Variants in ZNF570 observed in about 807,000 individuals in gnomAD.
The protein encoded by ZNF570 is zinc finger protein 570.
In ZNF570, 8 loss-of-function variants were observed where a neutral mutation model predicts 14.2. The observed-to-expected ratio is 0.56, with a 90% CI of 0.33 to 1.02. The LOEUF is 1.02. ZNF570 is among the 50% of genes least tolerant of loss of function. The pLI is 0.03. For missense variants in ZNF570, 559 were observed against 624.9 expected, an observed-to-expected ratio of 0.89 and a Z score of 1.12; for synonymous variants, 202 against 207.6, an observed-to-expected ratio of 0.97 and a Z score of 0.23.
Position 37,471,024 on chromosome 19 carries a change from T to G in ZNF570, c.33+637T>G, listed in dbSNP as rs1490927578. Among the ~76,000 whole-genome samples, 119 of 137,664 alleles carry G rather than the reference T, an allele frequency of 8.6e-4. 2 individuals are homozygous for G. Among genetic ancestry groups the G allele is most frequent in the African/African-American group, 3.0e-3 (104 of 35,140 alleles). 90.3% of individuals were successfully genotyped at this position (137,664 alleles called of 152,430 possible). On this transcript the variant is annotated intron_variant, in intron 2 of 4. Coordinates refer to ENST00000330173, the MANE Select transcript of ZNF570 (RefSeq NM_144694.5). ...CAGTGAGTACATTTTTTTTTTTTTTTTTTTTGTTGAGACGGAGTCTTGCTC... is the reference window on the plus strand; with the variant it reads ...CAGTGAGTACATTTTTTTTTTTTTTGTTTTTGTTGAGACGGAGTCTTGCTC...
Position 37,484,505 on chromosome 19 carries a change from G to C in ZNF570, c.883G>C (p.Val295Leu). 1 of 1,613,818 alleles carries C rather than the reference G, an allele frequency of 6.2e-7. No individual in the cohort carries two copies. Among genetic ancestry groups the C allele is most frequent in the Non-Finnish European group, 8.5e-7 (1 of 1,179,946 alleles). Residue 295 changes from valine (V) to leucine (L), a missense_variant, in exon 5 of 5, where the codon GTT becomes CTT. Transcript: ENST00000330173. Reference protein sequence around the residue: ...QNAHLVQHLRVHTGEKPYECK... With the variant: ...QNAHLVQHLRLHTGEKPYECK... ...TGCACACCTAGTTCAACATCTGCGA[G>C]TTCATACTGGAGAAAAACCTTACGA...
upstream of ZNF570, chr19:37,469,042 CAGAGCGCTTGT>C (rs2047055680): frequency 3.0e-6 from 3 of 991,568 alleles, no homozygotes; most frequent in Non-Finnish European, 2.4e-6. Context: ...GGGAGGCGCG[CAGAGCGCTTGT>C]GCCTGCGCAC....
At chr19:37,479,498 T>A (rs1473909576) in intron 4 of ZNF570, among the ~76,000 whole-genome samples, 1 of 152,128 alleles carries the variant, frequency 6.6e-6, no homozygotes, top group South Asian at 2.1e-4. Flanking sequence ...ATTTGCTCAT[T>A]AGGTTAAGCT....
chr19:37,477,935 A>G (rs994292190), intron 4 of ZNF570, among the ~76,000 whole-genome samples: 3 of 152,086 alleles, frequency 2.0e-5, no homozygotes, highest in Admixed American at 1.3e-4. Context: ...ATTCAGTTTC[A>G]TTGATCTCTG....
intron 2 of ZNF570, among the ~76,000 whole-genome samples, chr19:37,474,593 G>A (rs141234427): frequency 1.5e-3 from 235 of 152,128 alleles, no homozygotes; most frequent in Middle Eastern, 6.8e-3. Context: ...CTGAGTACCG[G>A]GGATTATAGG....
At position 37,487,801 on chromosome 19, in the gene ZNF570, C is replaced by T. The variant is rs181031686; in HGVS notation, c.*2568C>T. On this transcript the variant is annotated 3_prime_UTR_variant, in exon 5 of 5. Coordinates refer to ENST00000330173, the MANE Select transcript of ZNF570 (RefSeq NM_144694.5). ...TTCTTAAGAGCAGCAAGAAAAATTT[C>T]GAATCTATTTGTAGAAACTGCATAT... 7.9e-5 allele frequency: 12 copies of T among 152,030 alleles called. No individual in the cohort carries two copies. The highest frequency in any genetic ancestry group is 5.8e-4 in the East Asian group (3 of 5,178). The allele number at this position is 152,030 out of a possible 1,614,324, so 9.4% of individuals were successfully genotyped here. A position where few individuals can be genotyped will look rare whatever the true frequency, so the allele number is the denominator to read the frequency against.
In ZNF570 at chr19:37,484,128, G is replaced by T. The variant is rs1000164546; in HGVS notation, c.506G>T (p.Gly169Val). ...DEREQEYKSW[G>V]SFHQNPLLCT... is the part of the protein sequence containing the mutation. ...AGAGAACAAGAATATAAATCTTGGG[G>T]AAGTTTTCATCAGAACCCACTGCTT... is the stretch of plus-strand genomic sequence containing the variant. The change falls in exon 5 of 5, where the codon GGA becomes GTA. Residue 169 changes from glycine to valine, a missense_variant. Physicochemically the swap from Gly to Val is moderately radical, Grantham distance 109. Transcript: ENST00000330173. 6.2e-7 allele frequency: 1 copy of T among 1,613,986 alleles called. No homozygotes were observed. The highest frequency in any genetic ancestry group is 8.5e-7 in the Non-Finnish European group (1 of 1,180,000).
Position 37,475,997 on chromosome 19 carries a change from G to C in ZNF570, c.150G>C (p.Leu50Phe), listed in dbSNP as rs1464785090. ...SNVMLENYRI[L>F]VSLGLCFSKP... The stretch of plus-strand genomic sequence containing the variant: ...TGATGCTAGAGAACTACAGGATCTT[G>C]GTATCACTGGGTAAGGATATCTTCT... Residue 50 changes from leucine (L) to phenylalanine (F), a missense_variant, in exon 3 of 5, where the codon TTG becomes TTC. Coordinates refer to ENST00000330173, the MANE Select transcript of ZNF570 (RefSeq NM_144694.5). 6.2e-7 allele frequency: 1 copy of C among 1,609,500 alleles called. No individual in the cohort carries two copies.
intron 4 of ZNF570, among the ~76,000 whole-genome samples, chr19:37,482,873 C>T (rs762617346): frequency 6.6e-6 from 1 of 150,488 alleles, no homozygotes; most frequent in Non-Finnish European, 1.5e-5. Flanking sequence ...CCCCCTCCCC[C>T]CCTTTCTCCC....
upstream of ZNF570, chr19:37,469,146 T>C (rs773898376): frequency 5.0e-4 from 565 of 1,124,508 alleles, 1 homozygote; most frequent in Non-Finnish European, 6.0e-4. Context: ...ATCCGGACTT[T>C]CGGGCTCTCT....
chr19:37,471,009 A>ATTTTTTTTTTTTTTTTTTTTTTTTTTTT (rs764609936), intron 2 of ZNF570, among the ~76,000 whole-genome samples: 2 of 84,372 alleles, frequency 2.4e-5, no homozygotes, highest in African/African-American at 1.2e-4. Flanking sequence ...CAGTGAGTAC[A>ATTTTTTTTTTTTTTTTTTTTTTTTTTTT]TTTTTTTTTT....
intron 2 of ZNF570, among the ~76,000 whole-genome samples, chr19:37,471,536 G>C (rs2041964899): frequency 6.6e-6 from 1 of 152,148 alleles, no homozygotes. Context: ...ATCTCATCCT[G>C]TCTCATAGCC....
upstream of ZNF570, chr19:37,469,200 G>A (rs1273669656): frequency 2.4e-6 from 3 of 1,274,252 alleles, no homozygotes; most frequent in Non-Finnish European, 2.0e-6. Flanking sequence ...TGGTGGGGAG[G>A]AGGCCGTGTT....
chr19:37,468,082 T>G (rs534015515), upstream of ZNF570: 498 of 659,132 alleles, frequency 7.6e-4, no homozygotes, highest in Non-Finnish European at 1.1e-3. Context: ...TTTTTTTTTT[T>G]TTGTTTGTTT....
chr19:37,467,775 AGACCCTGTCCAGT>A (rs1329335362), upstream of ZNF570: 3 of 1,062,054 alleles, frequency 2.8e-6, no homozygotes, highest in African/African-American at 4.7e-5. Context: ...CCAGGGCGAG[AGACCCTGTCCAGT>A]GACATCTGAG....
chr19:37,475,815 G>T, intron 2 of ZNF570, 66 bp from the exon 3 acceptor site: 1 of 1,491,858 alleles, frequency 6.7e-7, no homozygotes, highest in Non-Finnish European at 9.1e-7. Flanking sequence ...AGCCCAGTGT[G>T]CCTAGGGCAG....
chr19:37,475,325 TTTC>T (rs1291906613), intron 2 of ZNF570, among the ~76,000 whole-genome samples: 4 of 152,180 alleles, frequency 2.6e-5, no homozygotes, highest in Admixed American at 6.5e-5. Context: ...AGAACACCCA[TTTC>T]TTTACACAAA....
At position 37,487,267 on chromosome 19, in the gene ZNF570, A is replaced by C. The variant is rs1363410655; in HGVS notation, c.*2034A>C. On this transcript the variant is annotated 3_prime_UTR_variant, in exon 5 of 5. Transcript: ENST00000330173. ...CTAATTGTATGGTTAAATTCGGGTA[A>C]TTTAGAAGGCATGTAAAGTGTTCCA... is the stretch of plus-strand genomic sequence containing the variant. The C allele has an allele frequency of 1.3e-5, 2 of 151,210 alleles. No individual in the cohort carries two copies. The highest frequency in any genetic ancestry group is 6.6e-5 in the Admixed American group (1 of 15,162). The allele number at this position is 151,210 out of a possible 1,614,324, so 9.4% of individuals were successfully genotyped here.
chr19:37,476,453 G>T lies in ZNF570; in HGVS notation c.256+19G>T, dbSNP rs1362083445. The T allele has an allele frequency of 1.2e-6, 2 of 1,608,408 alleles. No individual in the cohort carries two copies. The highest frequency in any genetic ancestry group is 1.7e-6 in the Non-Finnish European group (2 of 1,177,472). ...TGCTCAGGTTAGTGAAGAGGAAATT[G>T]GCAAAAATCTTTGCACGTGACAGCT... On this transcript the variant is annotated intron_variant, in intron 4 of 4. Coordinates refer to ENST00000330173, the MANE Select transcript of ZNF570 (RefSeq NM_144694.5).
Sources: gnomAD v4.1 joint callset for allele counts (sites outside exome capture counted in the v4.1 genomes callset) on GRCh38, gnomAD v4.1.1 for gene constraint, MANE v1.5 for transcripts, NCBI Gene and HGNC (gene_info 2026-07-23, HGNC 2026-07-21) for gene names.